Variants in SCAI observed in about 807,000 individuals in gnomAD.
The protein encoded by SCAI is suppressor of cancer cell invasion.
Under a neutral mutation model 92.2 loss-of-function variants are expected in SCAI, and 24 were observed. The observed-to-expected ratio is 0.26, with a 90% CI of 0.19 to 0.37. The LOEUF (loss-of-function observed/expected upper bound fraction) is 0.37, where lower values mean the gene tolerates loss of function less well. Among genes scored for constraint, SCAI ranks in the 10% least tolerant of loss-of-function variants. The pLI, the probability that SCAI is intolerant of heterozygous loss-of-function variation, is 1.00. For missense variants in SCAI, 450 were observed against 736.2 expected (o/e 0.61, Z 4.50); for synonymous variants, 261 against 258.6 (o/e 1.01, Z -0.09).
At position 125,001,966 on chromosome 9, in the gene SCAI, T is replaced by C; in HGVS notation, c.1143A>G (p.Glu381=). The C allele has an allele frequency of 6.2e-7, 1 of 1,607,534 alleles. No individual in the cohort carries two copies. Among genetic ancestry groups the C allele is most frequent in the Non-Finnish European group, 8.5e-7 (1 of 1,173,970 alleles). The change falls in exon 12 of 18, where the codon GAA becomes GAG. Residue 381 remains glutamate, a splice_region_variant and synonymous_variant. Transcript: ENST00000336505. ...ACAGGGAGCATTCCTTTATTGTACC[T>C]TCACTATCAGAACGACCTGTGGGGA... The part of the protein sequence containing the change: ...GVFPTGRSDS[E]GPYDFGGVLT...
chr9:124,978,902 C>T (rs925556613), intron 14 of SCAI, among the ~76,000 whole-genome samples: 1 of 151,914 alleles, frequency 6.6e-6, no homozygotes, highest in Non-Finnish European at 1.5e-5. Context: ...GCTCTGTCGC[C>T]CAGGCTGGAG....
At position 124,953,077 on chromosome 9, in the gene SCAI, A is replaced by G. The variant is rs185483860; in HGVS notation, c.1675-124T>C. 1.1e-3 allele frequency: 858 copies of G among 792,508 alleles called. 1 individual carries two copies. The highest frequency in any genetic ancestry group is 1.5e-3 in the Non-Finnish European group (745 of 486,882). The allele number at this position is 792,508 out of a possible 1,614,324, so 49.1% of individuals were successfully genotyped here. ...TTATACTGGAATGATTCTTATTAATATATTTGTTGAATATTGAATTGCTGA... is the reference window on the plus strand; with the variant it reads ...TTATACTGGAATGATTCTTATTAATGTATTTGTTGAATATTGAATTGCTGA... On this transcript the variant is annotated intron_variant, in intron 17 of 17. Transcript: ENST00000336505.
intron 14 of SCAI, among the ~76,000 whole-genome samples, chr9:124,976,845 T>A (rs776801823): frequency 6.6e-6 from 1 of 151,844 alleles, no homozygotes; most frequent in East Asian, 1.9e-4. Flanking sequence ...TACTCTTGAA[T>A]GAAGACTTGA....
intron 2 of SCAI, among the ~76,000 whole-genome samples, chr9:125,122,440 G>C (rs1321161881): frequency 4.7e-5 from 7 of 149,974 alleles, no homozygotes; most frequent in Non-Finnish European, 1.0e-4. Context: ...AATACAAAAA[G>C]TATCCAGGTG....
chr9:125,120,431 G>A (rs145352787), intron 2 of SCAI, among the ~76,000 whole-genome samples: 102 of 152,280 alleles, frequency 6.7e-4, no homozygotes, highest in African/African-American at 2.2e-3. Flanking sequence ...AGTGGCTCAC[G>A]CCTGCAGTCC....
intron 2 of SCAI, among the ~76,000 whole-genome samples, chr9:125,100,338 T>G (rs544108342): frequency 1.3e-5 from 2 of 152,336 alleles, no homozygotes; most frequent in Admixed American, 1.3e-4. Flanking sequence ...GCTGAGAGCT[T>G]TACACAGATT....
intron 11 of SCAI, among the ~76,000 whole-genome samples, chr9:125,002,321 G>A (rs1832377465): frequency 6.6e-6 from 1 of 152,088 alleles, no homozygotes; most frequent in African/African-American, 2.4e-5. Flanking sequence ...GAGAAGTAAA[G>A]ATCCTGACTA....
At chr9:124,971,638 T>G (rs772740917) in intron 16 of SCAI, 33 bp downstream of exon 16, 1 of 1,536,168 alleles carries the variant, frequency 6.5e-7, no homozygotes, top group Non-Finnish European at 8.8e-7. Flanking sequence ...TATAGTACAT[T>G]CTGTTAAACG....
chr9:124,980,520 T>C (rs1391638953), intron 14 of SCAI, among the ~76,000 whole-genome samples: 1 of 152,206 alleles, frequency 6.6e-6, no homozygotes, highest in Non-Finnish European at 1.5e-5. Flanking sequence ...ACTGAACACC[T>C]GCTTTCCTTC....
At position 125,001,863 on chromosome 9, in the gene SCAI, T is replaced by C. The variant is rs1432929887; in HGVS notation, c.1144+102A>G. 4.0e-6 allele frequency: 3 copies of C among 756,406 alleles called. No homozygotes were observed. In the African/African-American group the frequency reaches 5.3e-5, roughly 13 times the overall value. The allele number at this position is 756,406 out of a possible 1,614,324, so 46.9% of individuals were successfully genotyped here. A position where few individuals can be genotyped will look rare whatever the true frequency, so the allele number is the denominator to read the frequency against. On this transcript the variant is annotated intron_variant, in intron 12 of 17. Coordinates refer to ENST00000336505, the MANE Select transcript of SCAI (RefSeq NM_001144877.3). ...ACCAGGTTTCAAATTTGGAAGTCTG[T>C]CTAGAAAGGCTGAGATGGTCTGTGG...
chr9:125,061,321 T>C (rs1317415282), intron 2 of SCAI, among the ~76,000 whole-genome samples: 2 of 152,070 alleles, frequency 1.3e-5, no homozygotes, highest in Non-Finnish European at 2.9e-5. Context: ...CCTTAAGGGC[T>C]AAACCCATGT....
intron 16 of SCAI, 100 bp from the exon 17 acceptor site, chr9:124,971,570 T>C: frequency 1.4e-6 from 2 of 1,392,600 alleles, no homozygotes; most frequent in South Asian, 2.6e-5. Context: ...CTTTCCTGCC[T>C]GGGACACATA....
At chr9:124,965,107 C>T (rs913132207) in intron 17 of SCAI, among the ~76,000 whole-genome samples, 2 of 152,022 alleles carry the variant, frequency 1.3e-5, no homozygotes, top group African/African-American at 4.8e-5. Flanking sequence ...AAAGCCAAAG[C>T]TCTTTCGAAA....
intron 12 of SCAI, 68 bp downstream of exon 12, chr9:125,001,897 C>T: frequency 3.6e-6 from 4 of 1,116,464 alleles, no homozygotes; most frequent in Non-Finnish European, 5.4e-6. Context: ...GGGCTACGGG[C>T]CATCGTCTTG....
At chr9:125,023,681 A>C (rs2131078379) in intron 6 of SCAI, among the ~76,000 whole-genome samples, 1 of 152,194 alleles carries the variant, frequency 6.6e-6, no homozygotes, top group East Asian at 1.9e-4. Flanking sequence ...AAAAAAAAAA[A>C]GAAAAATTCT....
intron 2 of SCAI, among the ~76,000 whole-genome samples, chr9:125,131,372 C>A (rs1446875374): frequency 2.0e-5 from 3 of 148,204 alleles, no homozygotes; most frequent in South Asian, 2.1e-4. Context: ...TGTGCCACTG[C>A]ACTCCAGCCT....
At chr9:125,037,972 A>G (rs948278405) in intron 3 of SCAI, among the ~76,000 whole-genome samples, 8 of 151,288 alleles carry the variant, frequency 5.3e-5, no homozygotes, top group Non-Finnish European at 1.0e-4. Context: ...AATAAGAAAT[A>G]ACAGGTCAGT....
intron 2 of SCAI, among the ~76,000 whole-genome samples, chr9:125,068,225 G>A (rs1833909497): frequency 6.6e-6 from 1 of 152,146 alleles, no homozygotes; most frequent in South Asian, 2.1e-4. Flanking sequence ...TACAAGCCAG[G>A]CATGGTGGCT....
chr9:125,115,522 T>C (rs1156329443), intron 2 of SCAI, among the ~76,000 whole-genome samples: 1 of 152,026 alleles, frequency 6.6e-6, no homozygotes, highest in African/African-American at 2.4e-5. Context: ...CTGAATACCA[T>C]GTAACAGTTT....
Sources: allele counts gnomAD v4.1 joint callset (sites outside exome capture counted in the v4.1 genomes callset), GRCh38; gene constraint gnomAD v4.1.1; transcripts MANE v1.5; gene names NCBI Gene and HGNC (gene_info 2026-07-23, HGNC 2026-07-21).